The following CEP128 variants were observed in gnomAD, a reference collection of about 807,000 sequenced individuals.
CEP128 encodes the protein centrosomal protein 128kDa.
A neutral mutation model predicts 156.7 loss-of-function variants in CEP128; 132 were observed. That is an observed-to-expected ratio of 0.84 (90% CI 0.73 to 0.97). The LOEUF is 0.97. CEP128 is among the 50% of genes least tolerant of loss of function. The pLI is 0.00. For synonymous variants in CEP128, 469 were observed against 448.9 expected (o/e 1.04, Z -0.57); for missense variants, 1,252 against 1,281.9 (o/e 0.98, Z 0.36).
At chr14:80,913,582 A>G (rs539362122) in intron 4 of CEP128, among the ~76,000 whole-genome samples, 13 of 152,304 alleles carry the variant, frequency 8.5e-5, no homozygotes, top group Non-Finnish European at 1.8e-4. Flanking sequence ...GAAAAACCAA[A>G]TACCACTTCT....
intron 19 of CEP128, among the ~76,000 whole-genome samples, chr14:80,595,044 A>C (rs550801212): frequency 8.2e-4 from 125 of 152,346 alleles, no homozygotes; most frequent in African/African-American, 2.9e-3. Flanking sequence ...TTGCAGCACT[A>C]TTCACAATAG....
chr14:80,673,671 A>AAAAATT (rs1895944752), intron 19 of CEP128, among the ~76,000 whole-genome samples: 1 of 145,922 alleles, frequency 6.9e-6, no homozygotes, highest in African/African-American at 2.6e-5. Flanking sequence ...AAAAAAAAAA[A>AAAAATT]TGTACTAAAG....
intron 19 of CEP128, among the ~76,000 whole-genome samples, chr14:80,676,362 T>C (rs746427245): frequency 6.6e-6 from 1 of 152,100 alleles, no homozygotes; most frequent in Non-Finnish European, 1.5e-5. Flanking sequence ...TGTCTACTGC[T>C]GGTGAACATG....
At chr14:80,583,981 C>T (rs1891697822) in intron 19 of CEP128, among the ~76,000 whole-genome samples, 1 of 152,122 alleles carries the variant, frequency 6.6e-6, no homozygotes, top group East Asian at 1.9e-4. Context: ...ACTTCTACAG[C>T]TTTGCTCTCC....
At chr14:80,620,391 A>C (rs1441788588) in intron 19 of CEP128, among the ~76,000 whole-genome samples, 1 of 152,156 alleles carries the variant, frequency 6.6e-6, no homozygotes, top group African/African-American at 2.4e-5. Context: ...AGAATCACAA[A>C]GAGAACCAAG....
chr14:80,883,871 A>G (rs531786810), intron 8 of CEP128, among the ~76,000 whole-genome samples: 1 of 152,206 alleles, frequency 6.6e-6, no homozygotes, highest in Non-Finnish European at 1.5e-5. Flanking sequence ...GAACTGGCAT[A>G]GAAACAGAAA....
intron 19 of CEP128, among the ~76,000 whole-genome samples, chr14:80,715,383 T>C (rs1198222846): frequency 2.6e-5 from 4 of 152,174 alleles, no homozygotes; most frequent in Non-Finnish European, 5.9e-5. Flanking sequence ...GTCAGTCAGG[T>C]AGTAAACAAG....
At chr14:80,768,624 T>C (rs2371414) in intron 16 of CEP128, among the ~76,000 whole-genome samples, 17,979 of 152,168 alleles carry the variant, frequency 0.12, 1,509 homozygotes, top group East Asian at 0.44. Flanking sequence ...ATGGAGCTAA[T>C]AGAAAAACGG....
intron 19 of CEP128, among the ~76,000 whole-genome samples, chr14:80,658,981 G>A (rs1282347475): frequency 6.6e-6 from 1 of 152,178 alleles, no homozygotes; most frequent in Non-Finnish European, 1.5e-5. Context: ...CACATGAGCA[G>A]AAAGTATAAT....
At chr14:80,642,797 C>T (rs992296748) in intron 19 of CEP128, among the ~76,000 whole-genome samples, 7 of 151,610 alleles carry the variant, frequency 4.6e-5, no homozygotes, top group Non-Finnish European at 8.8e-5. Flanking sequence ...GCTCTGTCAC[C>T]CAGGCTGGAA....
At chr14:80,788,548 A>C (rs988614074) in intron 14 of CEP128, among the ~76,000 whole-genome samples, 6 of 152,048 alleles carry the variant, frequency 3.9e-5, no homozygotes, top group Non-Finnish European at 8.8e-5. Context: ...TGAAGGCTGA[A>C]ATATGTACAC....
intron 19 of CEP128, among the ~76,000 whole-genome samples, chr14:80,629,792 A>T (rs1893887995): frequency 6.6e-6 from 1 of 151,862 alleles, no homozygotes; most frequent in Admixed American, 6.6e-5. Context: ...GATTTTCTGT[A>T]ACTTTTGAGT....
At chr14:80,771,685 T>G (rs887598857) in intron 16 of CEP128, among the ~76,000 whole-genome samples, 4 of 152,252 alleles carry the variant, frequency 2.6e-5, no homozygotes, top group African/African-American at 9.6e-5. Flanking sequence ...ATCTCTTAAT[T>G]GTTTCATTGA....
chr14:80,528,019 C>A (rs1302324618), intron 22 of CEP128, among the ~76,000 whole-genome samples: 1 of 151,602 alleles, frequency 6.6e-6, no homozygotes, highest in African/African-American at 2.4e-5. Flanking sequence ...TAAAAAAAAA[C>A]ACGTACGGAT....
intron 19 of CEP128, among the ~76,000 whole-genome samples, chr14:80,710,759 T>C (rs1897373360): frequency 6.6e-6 from 1 of 152,112 alleles, no homozygotes; most frequent in African/African-American, 2.4e-5. Context: ...GATATTTTCT[T>C]GAACAGAATA....
chr14:80,632,199 G>C (rs1405916793), intron 19 of CEP128, among the ~76,000 whole-genome samples: 2 of 151,762 alleles, frequency 1.3e-5, no homozygotes, highest in Non-Finnish European at 2.9e-5. Flanking sequence ...TTTCTTTTTA[G>C]TTTTCTATGT....
intron 14 of CEP128, among the ~76,000 whole-genome samples, chr14:80,791,300 A>G: frequency 6.6e-6 from 1 of 152,214 alleles, no homozygotes; most frequent in East Asian, 1.9e-4. Flanking sequence ...AACTGTGGCA[A>G]TCACTTTAAA....
At chr14:80,527,403 C>G (rs1889026317) in intron 22 of CEP128, 1 of 166,318 alleles carries the variant, frequency 6.0e-6, no homozygotes, top group Admixed American at 6.1e-5. Context: ...TGCACTACAG[C>G]CTGGGTGAAA....
At chr14:80,706,439 A>ATGTG (rs755837048) in intron 19 of CEP128, among the ~76,000 whole-genome samples, 4 of 150,526 alleles carry the variant, frequency 2.7e-5, no homozygotes, top group Non-Finnish European at 4.5e-5. Flanking sequence ...GTGTGTGTGT[A>ATGTG]TGTGTGTGTG....
Sources: allele counts gnomAD v4.1 joint callset (sites outside exome capture counted in the v4.1 genomes callset), GRCh38; gene constraint gnomAD v4.1.1; transcripts MANE v1.5; gene names NCBI Gene and HGNC (gene_info 2026-07-23, HGNC 2026-07-21).